SCARA5: variants seen among roughly 807,000 people sequenced by gnomAD.
SCARA5 encodes scavenger receptor class A member 5.
A neutral mutation model predicts 46.3 loss-of-function variants in SCARA5; 45 were observed. That is an observed-to-expected ratio of 0.97 (90% CI 0.76 to 1.24). SCARA5 has a LOEUF of 1.24. Ranked by LOEUF, SCARA5 falls within the 50% of genes most tolerant of loss-of-function variation. The pLI, the probability that SCARA5 is intolerant of heterozygous loss-of-function variation, is 0.00. For missense variants in SCARA5, 680 were observed against 689.0 expected (o/e 0.99, Z 0.15); for synonymous variants, 333 against 306.5 (o/e 1.09, Z -0.90).
At chr8:27,896,401 C>G (rs1188532136) in intron 7 of SCARA5, among the ~76,000 whole-genome samples, 1 of 152,178 alleles carries the variant, frequency 6.6e-6, no homozygotes, top group Admixed American at 6.5e-5. Context: ...TGATGCTTCT[C>G]CACCTCTGCA....
chr8:27,875,810 C>A (rs1375882507), intron 8 of SCARA5, among the ~76,000 whole-genome samples: 8 of 152,172 alleles, frequency 5.3e-5, no homozygotes, highest in Admixed American at 5.2e-4. Context: ...GCCTGGGCAA[C>A]ATAGCAAGAC....
chr8:27,900,554 A>C (rs1476294631), intron 7 of SCARA5, among the ~76,000 whole-genome samples: 1 of 152,184 alleles, frequency 6.6e-6, no homozygotes, highest in Non-Finnish European at 1.5e-5. Flanking sequence ...TCTGGTTTAG[A>C]ATTCACCCTG....
In SCARA5 at chr8:27,922,155, C is replaced by T. The variant is rs1313431136; in HGVS notation, c.332G>A (p.Arg111Gln). The T allele has an allele frequency of 5.6e-6, 9 of 1,607,442 alleles. No homozygotes were observed. The highest frequency in any genetic ancestry group is 6.8e-6 in the Non-Finnish European group (8 of 1,177,810). ...CGCTTGCAGCGGAGCCTGCAGCAGC[C>T]GCAGCTGCAAGTCCCGGAAGCTCTC... ...LNESFRDLQL[R>Q]LLQAPLQADL... The change falls in exon 4 of 9, where the codon CGG (arginine) becomes CAG (glutamine). Residue 111 changes from arginine (R) to glutamine (Q), a missense_variant. Arg to Gln is a conservative substitution (Grantham distance 43). Around this residue, in one of 3 missense-constraint regions of SCARA5, gnomAD observed 438 missense variants for 384.5 expected, o/e 1.14. Coordinates refer to ENST00000354914, the MANE Select transcript of SCARA5 (RefSeq NM_173833.6).
intron 7 of SCARA5, among the ~76,000 whole-genome samples, chr8:27,882,633 G>A (rs1806829287): frequency 1.3e-5 from 2 of 152,190 alleles, no homozygotes; most frequent in Non-Finnish European, 2.9e-5. Context: ...GCCAGAGAGA[G>A]CCAGTTGGGA....
At chr8:27,908,111 C>T (rs1197537794) in intron 5 of SCARA5, among the ~76,000 whole-genome samples, 4 of 142,802 alleles carry the variant, frequency 2.8e-5, no homozygotes, top group African/African-American at 1.0e-4. Context: ...CGGTCAGCAT[C>T]GCTTCATGCT....
chr8:27,968,308 T>C (rs913727604), intron 2 of SCARA5, among the ~76,000 whole-genome samples: 1 of 152,220 alleles, frequency 6.6e-6, no homozygotes, highest in African/African-American at 2.4e-5. Context: ...CCATAAGACA[T>C]TGGGTGCAGT....
chr8:27,884,156 C>T (rs1229633328), intron 7 of SCARA5, among the ~76,000 whole-genome samples: 3 of 152,156 alleles, frequency 2.0e-5, no homozygotes, highest in Non-Finnish European at 4.4e-5. Context: ...TGCCTCCTCT[C>T]GATATTGGAT....
intron 3 of SCARA5, among the ~76,000 whole-genome samples, chr8:27,936,129 A>G (rs552471344): frequency 7.9e-5 from 12 of 152,200 alleles, no homozygotes; most frequent in Non-Finnish European, 1.2e-4. Flanking sequence ...TTTGAGAAAG[A>G]ACCAGAGAGA....
intron 4 of SCARA5, among the ~76,000 whole-genome samples, chr8:27,913,169 A>AT (rs778954457): frequency 1.4e-4 from 22 of 152,142 alleles, no homozygotes; most frequent in South Asian, 6.2e-4. Flanking sequence ...CTACAGATGG[A>AT]TTTTGTTTTA....
At chr8:27,891,111 T>C (rs901787247) in intron 7 of SCARA5, among the ~76,000 whole-genome samples, 2 of 152,090 alleles carry the variant, frequency 1.3e-5, no homozygotes, top group Non-Finnish European at 2.9e-5. Flanking sequence ...AAAGACTCTG[T>C]AGCCAGGTGC....
At chr8:27,895,384 A>C (rs1164854065) in intron 7 of SCARA5, among the ~76,000 whole-genome samples, 1 of 152,244 alleles carries the variant, frequency 6.6e-6, no homozygotes, top group Non-Finnish European at 1.5e-5. Context: ...GGGCCATCCC[A>C]AAAGCAAAAG....
chr8:27,970,830 T>C (rs771592028), intron 2 of SCARA5, among the ~76,000 whole-genome samples: 1 of 152,134 alleles, frequency 6.6e-6, no homozygotes, highest in Non-Finnish European at 1.5e-5. Context: ...CCAGATTATA[T>C]AGACATATGT....
At chr8:27,945,559 T>G (rs1808022718) in intron 3 of SCARA5, among the ~76,000 whole-genome samples, 1 of 152,156 alleles carries the variant, frequency 6.6e-6, no homozygotes, top group Admixed American at 6.5e-5. Context: ...TACATAAAGA[T>G]TTATGAAGCA....
At chr8:27,892,618 T>TG (rs1340671772) in intron 7 of SCARA5, among the ~76,000 whole-genome samples, 1 of 149,052 alleles carries the variant, frequency 6.7e-6, no homozygotes, top group Non-Finnish European at 1.5e-5. Context: ...TTTTTTTTTT[T>TG]TTTTTTTTTG....
chr8:27,905,487 A>T (rs1807238102), intron 6 of SCARA5, among the ~76,000 whole-genome samples: 1 of 138,036 alleles, frequency 7.2e-6, no homozygotes, highest in African/African-American at 2.6e-5. Context: ...CAAGCCAGCA[A>T]ATTCCAGGGG....
chr8:27,965,415 G>A (rs1808354269), intron 3 of SCARA5, among the ~76,000 whole-genome samples: 3 of 152,210 alleles, frequency 2.0e-5, no homozygotes, highest in Admixed American at 2.0e-4. Flanking sequence ...AACTCCACCT[G>A]CTTCATGCAG....
intron 3 of SCARA5, among the ~76,000 whole-genome samples, chr8:27,959,511 C>T (rs1808261654): frequency 6.6e-6 from 1 of 152,078 alleles, no homozygotes; most frequent in Non-Finnish European, 1.5e-5. Flanking sequence ...AAGAGCTCTC[C>T]CGGACTAGGA....
At chr8:27,939,542 A>G (rs1363238283) in intron 3 of SCARA5, among the ~76,000 whole-genome samples, 1 of 152,190 alleles carries the variant, frequency 6.6e-6, no homozygotes, top group Admixed American at 6.5e-5. Flanking sequence ...TCAGGCCTGT[A>G]AGAGACCCTG....
In SCARA5 at chr8:27,886,614, G is replaced by A. The variant is rs1806899727; in HGVS notation, c.1154-6848C>T. ...GGAGCCTTTCCCAGAGCTGAGCAAT[G>A]AGGCCACCTCCAGCAACACACTTGG... On this transcript the variant is annotated intron_variant, in intron 7 of 8. Transcript: ENST00000354914. 2.0e-5 allele frequency among the ~76,000 whole-genome samples: 3 copies of A among 152,172 alleles called. No homozygotes were observed. In the South Asian group the frequency reaches 6.2e-4, roughly 32 times the overall value.
Sources: gnomAD v4.1 joint callset for allele counts (sites outside exome capture counted in the v4.1 genomes callset) on GRCh38, gnomAD v4.1.1 for gene constraint, gnomAD v4.1.1 regional missense constraint, MANE v1.5 for transcripts, NCBI Gene and HGNC (gene_info 2026-07-23, HGNC 2026-07-21) for gene names.